NTNG1: variants seen among roughly 807,000 people sequenced by gnomAD.
NTNG1 encodes netrin G1, also known as netrin-G1.
Under a neutral mutation model 54.0 loss-of-function variants are expected in NTNG1, and 16 were observed. The ratio of observed to expected loss-of-function variants is 0.30; its 90% CI spans 0.20 to 0.45. NTNG1 has a LOEUF of 0.45. NTNG1 is among the 20% of genes least tolerant of loss of function. NTNG1 has a pLI of 1.00. For missense variants in NTNG1, 530 were observed against 678.7 expected (o/e 0.78, Z 2.43); for synonymous variants, 255 against 263.1 (o/e 0.97, Z 0.30).
intron 2 of NTNG1, among the ~76,000 whole-genome samples, chr1:107,180,806 G>A (rs1657004573): frequency 6.6e-6 from 1 of 152,124 alleles, no homozygotes; most frequent in Non-Finnish European, 1.5e-5. Context: ...ATTAATAATG[G>A]ATATATGTGT....
Position 107,436,807 on chromosome 1 carries a change from ACT to A in NTNG1, c.1390+11_1390+12del. On this transcript the variant is annotated intron_variant, in intron 7 of 7. Transcript: ENST00000370068. ...GGCACTACGGCTGTCAACGTAAGTA[ACT>A]CTGGGAGCTGCCCTCTGCCTGCTGC... 1.9e-6 allele frequency: 3 copies of A among 1,612,822 alleles called. No homozygotes were observed. Among genetic ancestry groups the A allele is most frequent in the Non-Finnish European group, 2.5e-6 (3 of 1,179,304 alleles).
At chr1:107,460,281 A>C (rs990402755) in intron 7 of NTNG1, 5 of 460,090 alleles carry the variant, frequency 1.1e-5, no homozygotes, top group African/African-American at 1.0e-4. Context: ...TCATGAGCGC[A>C]CTCCCAGGTC....
chr1:107,299,725 G>A (rs940526375), intron 2 of NTNG1, among the ~76,000 whole-genome samples: 3 of 152,108 alleles, frequency 2.0e-5, no homozygotes, highest in African/African-American at 7.2e-5. Context: ...ACTCTAGACT[G>A]GGGGCATCAT....
At chr1:107,319,865 T>TTATATA (rs1553225209) in intron 2 of NTNG1, among the ~76,000 whole-genome samples, 1,777 of 147,908 alleles carry the variant, frequency 0.012, 33 homozygotes, top group African/African-American at 0.041. Context: ...TACCTGAGGT[T>TTATATA]TATATATATA....
At chr1:107,422,507 G>GC (rs1413585004) in intron 5 of NTNG1, among the ~76,000 whole-genome samples, 1 of 152,054 alleles carries the variant, frequency 6.6e-6, no homozygotes, top group African/African-American at 2.4e-5. Context: ...GCAGGGAGAA[G>GC]CTACCCAATG....
chr1:107,204,020 AT>A (rs1319974448), intron 2 of NTNG1, among the ~76,000 whole-genome samples: 1 of 151,834 alleles, frequency 6.6e-6, no homozygotes, highest in Non-Finnish European at 1.5e-5. Flanking sequence ...AGCTATTTGT[AT>A]TTCATAGTAT....
At chr1:107,412,562 C>T (rs1282658495) in intron 5 of NTNG1, among the ~76,000 whole-genome samples, 2 of 152,048 alleles carry the variant, frequency 1.3e-5, no homozygotes, top group African/African-American at 4.8e-5. Context: ...TTTTCCAATC[C>T]ATTACACTGT....
At chr1:107,356,315 A>G (rs1669927457) in intron 3 of NTNG1, among the ~76,000 whole-genome samples, 1 of 152,184 alleles carries the variant, frequency 6.6e-6, no homozygotes, top group Non-Finnish European at 1.5e-5. Context: ...TTATTTAGAG[A>G]CAGAGTCTTG....
chr1:107,308,046 T>C (rs545692211), intron 2 of NTNG1, among the ~76,000 whole-genome samples: 1 of 152,212 alleles, frequency 6.6e-6, no homozygotes, highest in Admixed American at 6.5e-5. Context: ...TCTAAGTTCC[T>C]TATAGATGCT....
chr1:107,402,013 C>A (rs1673072675), intron 4 of NTNG1, among the ~76,000 whole-genome samples: 1 of 152,132 alleles, frequency 6.6e-6, no homozygotes, highest in Non-Finnish European at 1.5e-5. Context: ...ATTATCTTTT[C>A]CCTGAGACCC....
chr1:107,412,344 A>G (rs1057406369), intron 5 of NTNG1, among the ~76,000 whole-genome samples: 1 of 152,190 alleles, frequency 6.6e-6, no homozygotes, highest in African/African-American at 2.4e-5. Context: ...CTGCCTAGGA[A>G]AAGTTATTGT....
chr1:107,362,632 C>G lies in NTNG1; in HGVS notation c.888-32522C>G, dbSNP rs1670366875. 2.0e-5 allele frequency among the ~76,000 whole-genome samples: 3 copies of G among 152,300 alleles called. No homozygotes were observed. The South Asian group carries it at 6.2e-4, about 32-fold the overall frequency. On this transcript the variant is annotated intron_variant, in intron 3 of 7. Transcript: ENST00000370068. ...CTAGATGTGTGCTCAGTGTCCACTG[C>G]TTGATGAAGCAGAGGTGTGGGCAGG... is the stretch of plus-strand genomic sequence containing the variant.
At chr1:107,470,273 T>G (rs941618022) in intron 7 of NTNG1, among the ~76,000 whole-genome samples, 4 of 152,210 alleles carry the variant, frequency 2.6e-5, no homozygotes, top group Non-Finnish European at 5.9e-5. Flanking sequence ...ACCTTTATTA[T>G]CTAAGTAAAA....
At chr1:107,258,797 C>T (rs1017845336) in intron 2 of NTNG1, among the ~76,000 whole-genome samples, 8 of 152,136 alleles carry the variant, frequency 5.3e-5, no homozygotes, top group Non-Finnish European at 8.8e-5. Flanking sequence ...CTTTGGCAGG[C>T]GCAATCTTGA....
At chr1:107,219,090 G>A (rs2101449286) in intron 2 of NTNG1, among the ~76,000 whole-genome samples, 1 of 149,506 alleles carries the variant, frequency 6.7e-6, no homozygotes, top group South Asian at 2.2e-4. Flanking sequence ...CAAACTTCTT[G>A]GAGTTTTTGT....
intron 2 of NTNG1, among the ~76,000 whole-genome samples, chr1:107,178,511 C>T (rs1171982325): frequency 1.3e-5 from 2 of 151,892 alleles, no homozygotes; most frequent in Non-Finnish European, 1.5e-5. Context: ...CCATAGTTTC[C>T]CGTGTCTTTC....
At chr1:107,222,351 A>G (rs941533590) in intron 2 of NTNG1, among the ~76,000 whole-genome samples, 1 of 152,154 alleles carries the variant, frequency 6.6e-6, no homozygotes, top group African/African-American at 2.4e-5. Context: ...CTATATCCCG[A>G]TTCTGCAATT....
intron 4 of NTNG1, among the ~76,000 whole-genome samples, chr1:107,397,994 A>G (rs1672786776): frequency 1.3e-5 from 2 of 152,038 alleles, no homozygotes; most frequent in Admixed American, 1.3e-4. Context: ...ACACACACTC[A>G]CATGACTCTA....
At chr1:107,400,369 T>C (rs1022961213) in intron 4 of NTNG1, among the ~76,000 whole-genome samples, 4 of 152,164 alleles carry the variant, frequency 2.6e-5, no homozygotes, top group African/African-American at 9.7e-5. Flanking sequence ...AGCTACCATT[T>C]ATTAAATTTA....
Sources: allele counts gnomAD v4.1 joint callset (sites outside exome capture counted in the v4.1 genomes callset), GRCh38; gene constraint gnomAD v4.1.1; transcripts MANE v1.5; gene names NCBI Gene and HGNC (gene_info 2026-07-23, HGNC 2026-07-21).